Variants in DUS2 observed in about 807,000 individuals in gnomAD.
DUS2 encodes tRNA-dihydrouridine(20) synthase [NAD(P)+]-like.
In DUS2, 52 loss-of-function variants were observed where a neutral mutation model predicts 71.3. That is an observed-to-expected ratio of 0.73 (90% confidence interval 0.58 to 0.92). The LOEUF is 0.92. Ranked by LOEUF, DUS2 falls within the 40% of genes least tolerant of loss-of-function variation. The probability of loss-of-function intolerance (pLI) is 0.00; values close to 1 mark genes in which losing one functional copy is unlikely to be tolerated. For missense variants in DUS2, 558 were observed against 622.6 expected, an observed-to-expected ratio of 0.90 and a Z score of 1.10; for synonymous variants, 204 against 227.8, an observed-to-expected ratio of 0.90 and a Z score of 0.94.
At chr16:68,030,911 T>C (rs1190344086) in intron 2 of DUS2, among the ~76,000 whole-genome samples, 2 of 151,908 alleles carry the variant, frequency 1.3e-5, no homozygotes, top group Non-Finnish European at 2.9e-5. Flanking sequence ...TTAAAAAATA[T>C]ATATATATTT....
At chr16:68,065,724 C>T (rs1294313452) in intron 8 of DUS2, among the ~76,000 whole-genome samples, 6 of 152,130 alleles carry the variant, frequency 3.9e-5, no homozygotes, top group Non-Finnish European at 8.8e-5. Context: ...AGCAATCTTC[C>T]CACCTCAGCC....
chr16:68,070,773 A>G (rs1295879384), intron 11 of DUS2, among the ~76,000 whole-genome samples, 167 bp from the exon 12 acceptor site: 1 of 152,256 alleles, frequency 6.6e-6, no homozygotes, highest in East Asian at 1.9e-4. Flanking sequence ...TCCTAACTTC[A>G]TAATGGGATA....
intron 2 of DUS2, among the ~76,000 whole-genome samples, chr16:68,027,591 G>A (rs1214367482): frequency 6.6e-6 from 1 of 152,238 alleles, no homozygotes; most frequent in Non-Finnish European, 1.5e-5. Context: ...CCATATGCCA[G>A]ATTGTATGCT....
Position 68,052,086 on chromosome 16 carries a change from T to G in DUS2, c.173-1478T>G, listed in dbSNP as rs572333881. Among the ~76,000 whole-genome samples the G allele has an allele frequency of 1.3e-4, 20 of 151,730 alleles. No individual in the cohort carries two copies. The South Asian group carries it at 2.9e-3, about 22-fold the overall frequency. On this transcript the variant is annotated intron_variant, in intron 4 of 16. Transcript: ENST00000565263. ...GCTAATTTTTTTTTTTGTATTTTAG[T>G]AGAGACTTGAGTTTCACCATGTTGC...
chr16:68,042,150 CATA>C (rs2033634730), intron 3 of DUS2, among the ~76,000 whole-genome samples: 1 of 152,158 alleles, frequency 6.6e-6, no homozygotes, highest in Non-Finnish European at 1.5e-5. Context: ...TTTCCCTTAG[CATA>C]ATGTCATCAA....
In DUS2 at chr16:68,063,275, A is replaced by T. The variant is rs2151422767; in HGVS notation, c.417+2162A>T. On this transcript the variant is annotated intron_variant, in intron 8 of 16. Transcript: ENST00000565263. ...ACAAAGCCAGATGTGGCTTAGGTGT[A>T]GGGGCTGGATTCAATTCGGGTCCAG... Among the ~76,000 whole-genome samples, 4 of 152,274 alleles carry T rather than the reference A, an allele frequency of 2.6e-5. 1 individual carries two copies. Among genetic ancestry groups the T allele is most frequent in the Admixed American group, 2.6e-4 (4 of 15,288 alleles).
chr16:68,044,760 T>C (rs1241420508), intron 3 of DUS2, among the ~76,000 whole-genome samples: 1 of 152,072 alleles, frequency 6.6e-6, no homozygotes, highest in African/African-American at 2.4e-5. Context: ...CTCATACCTC[T>C]TTTTTTGAAT....
At chr16:68,066,754 C>T (rs1434197825) in intron 10 of DUS2, 118 bp downstream of exon 10, 3 of 1,008,954 alleles carry the variant, frequency 3.0e-6, no homozygotes, top group East Asian at 2.4e-5. Flanking sequence ...ATTCAGCCTA[C>T]CTCTGCCTAG....
chr16:68,074,447 G>A (rs1297580645), intron 13 of DUS2, among the ~76,000 whole-genome samples: 1 of 152,176 alleles, frequency 6.6e-6, no homozygotes, highest in Non-Finnish European at 1.5e-5. Context: ...AGGCCCCCAG[G>A]AACCAGTGGT....
chr16:68,028,485 A>G (rs1401945142), intron 2 of DUS2, among the ~76,000 whole-genome samples: 2 of 151,944 alleles, frequency 1.3e-5, no homozygotes, highest in Non-Finnish European at 2.9e-5. Flanking sequence ...AAAAAATACA[A>G]AAAATTAGCT....
intron 8 of DUS2, 54 bp downstream of exon 8, chr16:68,061,167 A>T (rs2151422176): frequency 6.4e-7 from 1 of 1,566,940 alleles, no homozygotes; most frequent in Non-Finnish European, 8.8e-7. Flanking sequence ...CCAAACTAGA[A>T]TTGTCTAGAA....
At chr16:68,037,826 C>G (rs2033555390) in intron 2 of DUS2, 180 bp from the exon 3 acceptor site, 1 of 557,284 alleles carries the variant, frequency 1.8e-6, no homozygotes, top group South Asian at 2.0e-5. Flanking sequence ...CACTGCACTC[C>G]AGCCTGGGTG....
At chr16:68,070,503 A>G (rs1201639282) in intron 11 of DUS2, among the ~76,000 whole-genome samples, 2 of 152,264 alleles carry the variant, frequency 1.3e-5, no homozygotes, top group East Asian at 3.9e-4. Flanking sequence ...AGTATGACCT[A>G]ACTGGGCCTC....
chr16:68,036,826 A>G (rs2151412877), intron 2 of DUS2, among the ~76,000 whole-genome samples: 1 of 151,890 alleles, frequency 6.6e-6, no homozygotes, highest in African/African-American at 2.4e-5. Flanking sequence ...TGCATTGGTT[A>G]TTTCCTCTGC....
chr16:68,078,888 G>C lies in DUS2; in HGVS notation c.1384G>C (p.Gly462Arg), dbSNP rs1349900452. Residue 462 changes from glycine (G) to arginine (R), a missense_variant, in exon 17 of 17, where the codon GGC becomes CGC. Gly to Arg is a moderately radical substitution (Grantham distance 125). Transcript: ENST00000565263. ...KREAPDQDPG[G>R]PRAQELAQPG... ...GGAGGCTCCTGACCAAGACCCTGGGGGCCCCAGAGCTCAGGAGCTAGCACA... is the reference window on the plus strand; with the variant it reads ...GGAGGCTCCTGACCAAGACCCTGGGCGCCCCAGAGCTCAGGAGCTAGCACA... The C allele has an allele frequency of 7.4e-6, 12 of 1,613,528 alleles. No homozygotes were observed. Among genetic ancestry groups the C allele is most frequent in the Non-Finnish European group, 1.0e-5 (12 of 1,179,572 alleles).
chr16:68,072,196 C>T (rs1454017476), intron 12 of DUS2, among the ~76,000 whole-genome samples: 2 of 152,180 alleles, frequency 1.3e-5, no homozygotes, highest in Non-Finnish European at 2.9e-5. Flanking sequence ...GGTAAGATGC[C>T]CTGAGGTCTG....
chr16:68,049,610 C>T, intron 4 of DUS2, 60 bp downstream of exon 4: 1 of 1,511,658 alleles, frequency 6.6e-7, no homozygotes. Flanking sequence ...AGCAGCACTA[C>T]CACTGCCCTT....
chr16:68,059,869 C>T (rs2033915651), intron 7 of DUS2, among the ~76,000 whole-genome samples: 1 of 152,064 alleles, frequency 6.6e-6, no homozygotes, highest in South Asian at 2.1e-4. Flanking sequence ...TAGACAAGTA[C>T]AGAAAAGAGC....
chr16:68,024,255 G>C (rs1036292390), intron 1 of DUS2, among the ~76,000 whole-genome samples: 1 of 151,796 alleles, frequency 6.6e-6, no homozygotes, highest in African/African-American at 2.4e-5. Context: ...CACCACCCAC[G>C]CCCGGCTAAT....
Sources: gnomAD v4.1 joint callset for allele counts (sites outside exome capture counted in the v4.1 genomes callset) on GRCh38, gnomAD v4.1.1 for gene constraint, MANE v1.5 for transcripts, NCBI Gene and HGNC (gene_info 2026-07-23, HGNC 2026-07-21) for gene names.